Variants in REL observed in about 807,000 individuals in gnomAD.
REL encodes the protein REL proto-oncogene, NF-kB subunit, also known as proto-oncogene c-Rel.
Under a neutral mutation model 45.9 loss-of-function variants are expected in REL, and 15 were observed. The ratio of observed to expected loss-of-function variants is 0.33; its 90% CI spans 0.22 to 0.50. The LOEUF is 0.50. Among genes scored for constraint, REL ranks in the 20% least tolerant of loss-of-function variants. The pLI is 0.98. For synonymous variants in REL, 239 were observed against 242.1 expected, an observed-to-expected ratio of 0.99 and a Z score of 0.12; for missense variants, 601 against 715.2, an observed-to-expected ratio of 0.84 and a Z score of 1.82.
In REL at chr2:60,930,572, T is replaced by G. The variant is rs1674364019; in HGVS notation, c.*8037T>G. 9 of 152,326 alleles carry G rather than the reference T, an allele frequency of 5.9e-5. No individual in the cohort carries two copies. The highest frequency in any genetic ancestry group is 5.9e-4 in the Admixed American group (9 of 15,278). The allele number at this position is 152,326 out of a possible 1,614,324, so 9.4% of individuals were successfully genotyped here. ...TAGCAGAGTTTAGTTAAGCACAAAG[T>G]TAACAGTGGGTAGGATTGAATCTTG... is the stretch of plus-strand genomic sequence containing the variant. On this transcript the variant is annotated 3_prime_UTR_variant, in exon 10 of 10. Coordinates refer to ENST00000394479, the MANE Select transcript of REL (RefSeq NM_001291746.2).
At chr2:60,887,695 A>G (rs575733182) in intron 1 of REL, among the ~76,000 whole-genome samples, 3 of 150,396 alleles carry the variant, frequency 2.0e-5, no homozygotes, top group South Asian at 2.1e-4. Context: ...GTAATACTCT[A>G]CATTCCCCCA....
chr2:60,918,104 A>G, intron 5 of REL, 87 bp from the exon 6 acceptor site: 1 of 748,592 alleles, frequency 1.3e-6, no homozygotes, highest in Non-Finnish European at 2.2e-6. Flanking sequence ...TATTCTGTGA[A>G]TGCTTTTCCT....
chr2:60,924,930 G>A lies in REL; in HGVS notation c.*2395G>A, dbSNP rs562710298. On this transcript the variant is annotated 3_prime_UTR_variant, in exon 10 of 10. Transcript: ENST00000394479. ...ACACTTTATTTGCTGTTTGTGTTTC[G>A]TGACTTTTGGTAATTCTGGCATTTA... The A allele has an allele frequency of 2.8e-5, 6 of 211,618 alleles. No individual in the cohort carries two copies. The highest frequency in any genetic ancestry group is 1.8e-4 in the Admixed American group (3 of 17,088). 13.1% of individuals were successfully genotyped at this position (211,618 alleles called of 1,614,324 possible). A position where few individuals can be genotyped will look rare whatever the true frequency, so the allele number is the denominator to read the frequency against.
intron 3 of REL, among the ~76,000 whole-genome samples, chr2:60,896,921 T>C (rs1007473444): frequency 2.0e-5 from 3 of 152,208 alleles, no homozygotes; most frequent in Non-Finnish European, 4.4e-5. Flanking sequence ...ATATTTAACA[T>C]GAATAACATG....
chr2:60,882,750 T>G (rs1451598439), intron 1 of REL, among the ~76,000 whole-genome samples: 1 of 152,160 alleles, frequency 6.6e-6, no homozygotes, highest in African/African-American at 2.4e-5. Context: ...ATAGAGACGT[T>G]GAATCCCCCT....
In REL at chr2:60,922,811, A is replaced by G; in HGVS notation, c.*276A>G. On this transcript the variant is annotated 3_prime_UTR_variant, in exon 10 of 10. Coordinates refer to ENST00000394479, the MANE Select transcript of REL (RefSeq NM_001291746.2). ...GTAATCCTAGCACTTTGGGAGGCCAAGGCGGGTGGATCACTTGAGACCAGG... is the reference window on the plus strand; with the variant it reads ...GTAATCCTAGCACTTTGGGAGGCCAGGGCGGGTGGATCACTTGAGACCAGG... 2 of 869,430 alleles carry G rather than the reference A, an allele frequency of 2.3e-6. No individual in the cohort carries two copies. Among genetic ancestry groups the G allele is most frequent in the Non-Finnish European group, 2.8e-6 (2 of 707,418 alleles). 53.9% of individuals were successfully genotyped at this position (869,430 alleles called of 1,614,324 possible).
chr2:60,922,721 C>A lies in REL; in HGVS notation c.*186C>A. Reference sequence around the variant, plus strand: ...AAGAAGCATACAACTTTGGACATAGCGAATACAAAATTGGAAGCTGTCATA... The same window carrying A: ...AAGAAGCATACAACTTTGGACATAGAGAATACAAAATTGGAAGCTGTCATA... On this transcript the variant is annotated 3_prime_UTR_variant, in exon 10 of 10. Coordinates refer to ENST00000394479, the MANE Select transcript of REL (RefSeq NM_001291746.2). 8.4e-7 allele frequency: 1 copy of A among 1,197,282 alleles called. No homozygotes were observed. 74.2% of individuals were successfully genotyped at this position (1,197,282 alleles called of 1,614,324 possible).
chr2:60,913,281 A>AT lies in REL; in HGVS notation c.395-3590dup, dbSNP rs769156739. On this transcript the variant is annotated intron_variant, in intron 4 of 9. Transcript: ENST00000394479. ...GCCTGTTGCTTTCTTTTAAAAAAAA[A>AT]TTTTTTATTTTGCCTCCTCATATGT... is the stretch of plus-strand genomic sequence containing the variant. Among the ~76,000 whole-genome samples the AT allele has an allele frequency of 9.9e-5, 15 of 151,986 alleles. No homozygotes were observed. In the East Asian group the frequency reaches 1.7e-3, roughly 18 times the overall value.
intron 3 of REL, among the ~76,000 whole-genome samples, chr2:60,894,941 C>G (rs1673313123): frequency 6.7e-6 from 1 of 149,714 alleles, no homozygotes; most frequent in Non-Finnish European, 1.5e-5. Context: ...ACTGCAACCT[C>G]CACCTCCTGG....
At position 60,927,360 on chromosome 2, in the gene REL, G is replaced by A; in HGVS notation, c.*4825G>A. ...AAATAACACTTCTCTTCCTTGACCT[G>A]CTGCTTCCCTTTTTTACCACACACA... On this transcript the variant is annotated 3_prime_UTR_variant, in exon 10 of 10. Coordinates refer to ENST00000394479, the MANE Select transcript of REL (RefSeq NM_001291746.2). The A allele has an allele frequency of 4.3e-6, 1 of 231,842 alleles. No individual in the cohort carries two copies. Among genetic ancestry groups the A allele is most frequent in the Non-Finnish European group, 8.5e-6 (1 of 117,076 alleles). The allele number at this position is 231,842 out of a possible 1,614,324, so 14.4% of individuals were successfully genotyped here. A position where few individuals can be genotyped will look rare whatever the true frequency, so the allele number is the denominator to read the frequency against.
At chr2:60,886,823 C>T (rs557621231) in intron 1 of REL, among the ~76,000 whole-genome samples, 74 of 152,122 alleles carry the variant, frequency 4.9e-4, no homozygotes, top group African/African-American at 1.6e-3. Context: ...CTTGCCTAAG[C>T]GCAAATAAAA....
chr2:60,925,824 A>G lies in REL; in HGVS notation c.*3289A>G. On this transcript the variant is annotated 3_prime_UTR_variant, in exon 10 of 10. Transcript: ENST00000394479. ...ACTAATTAAGCGTTGGCTACTTAGT[A>G]TAAGTAAGTATAAGCCGAATTAAGG... 1 of 216,238 alleles carries G rather than the reference A, an allele frequency of 4.6e-6. No homozygotes were observed. The highest frequency in any genetic ancestry group is 9.3e-6 in the Non-Finnish European group (1 of 107,056). 13.4% of individuals were successfully genotyped at this position (216,238 alleles called of 1,614,324 possible). A position where few individuals can be genotyped will look rare whatever the true frequency, so the allele number is the denominator to read the frequency against.
intron 3 of REL, among the ~76,000 whole-genome samples, chr2:60,895,646 GC>G (rs923319635): frequency 6.6e-6 from 1 of 152,176 alleles, no homozygotes; most frequent in Non-Finnish European, 1.5e-5. Flanking sequence ...CAGAAGATGG[GC>G]CCATTCATCA....
rs1674185181 is a variant in REL at position 60,922,991 on chromosome 2, C to T, written c.*456C>T. ...CCCAGGAAGCAGAGGTTGCAGTGAGCTGAGATCACACCACCGCACTCCAGC... is the reference window on the plus strand; with the variant it reads ...CCCAGGAAGCAGAGGTTGCAGTGAGTTGAGATCACACCACCGCACTCCAGC... On this transcript the variant is annotated 3_prime_UTR_variant, in exon 10 of 10. Transcript: ENST00000394479. The T allele has an allele frequency of 6.2e-6, 1 of 160,360 alleles. No individual in the cohort carries two copies. The highest frequency in any genetic ancestry group is 1.4e-5 in the Non-Finnish European group (1 of 73,266). The allele number at this position is 160,360 out of a possible 1,614,324, so 9.9% of individuals were successfully genotyped here. A position where few individuals can be genotyped will look rare whatever the true frequency, so the allele number is the denominator to read the frequency against.
chr2:60,901,928 A>G (rs1231104479), intron 4 of REL, among the ~76,000 whole-genome samples: 1 of 152,146 alleles, frequency 6.6e-6, no homozygotes, highest in African/African-American at 2.4e-5. Flanking sequence ...TTATGGTACT[A>G]TCTGCCTCAT....
rs778646197 is a variant in REL, at chr2:60,922,532, A to T, written c.1761A>T (p.Val587=). The T allele has an allele frequency of 6.3e-7, 1 of 1,595,422 alleles. No individual in the cohort carries two copies. The highest frequency in any genetic ancestry group is 8.5e-7 in the Non-Finnish European group (1 of 1,171,644). Residue 587 remains valine, a synonymous_variant, in exon 10 of 10, where the codon GTA becomes GTT. Transcript: ENST00000394479. ...CCTTTCCATATGAATTTTTTCAAGT[A>T]TAACTTGCAAGATTTAAATCCTTTT... ...SDSFPYEFFQ[V] is the part of the protein sequence containing the mutation.
At chr2:60,886,087 G>A (rs1006354835) in intron 1 of REL, among the ~76,000 whole-genome samples, 2 of 152,166 alleles carry the variant, frequency 1.3e-5, no homozygotes, top group Non-Finnish European at 2.9e-5. Context: ...CTCAATATGT[G>A]CATTGTTGCT....
chr2:60,919,933 C>T (rs768055013), intron 7 of REL, 108 bp from the exon 8 acceptor site: 18 of 675,996 alleles, frequency 2.7e-5, no homozygotes, highest in South Asian at 7.7e-5. Flanking sequence ...AACTTACATA[C>T]ATATTTATTG....
intron 5 of REL, among the ~76,000 whole-genome samples, chr2:60,917,766 T>C (rs1458622774): frequency 6.6e-6 from 1 of 151,494 alleles, no homozygotes; most frequent in Admixed American, 6.6e-5. Context: ...CAATGGTGTA[T>C]GATATACCTG....
Sources: allele counts gnomAD v4.1 joint callset (sites outside exome capture counted in the v4.1 genomes callset), GRCh38; gene constraint gnomAD v4.1.1; transcripts MANE v1.5; gene names NCBI Gene and HGNC (gene_info 2026-07-23, HGNC 2026-07-21).